The following SOS1 variants were observed in gnomAD, a reference collection of about 807,000 sequenced individuals.
SOS1 encodes SOS Ras/Rac guanine nucleotide exchange factor 1.
In SOS1, 25 loss-of-function variants were observed where a neutral mutation model predicts 157.6. The observed-to-expected ratio is 0.16, with a 90% CI of 0.12 to 0.22. The LOEUF (loss-of-function observed/expected upper bound fraction) is 0.22. SOS1 is among the 10% of genes least tolerant of loss of function. The probability of loss-of-function intolerance (pLI) is 1.00; values close to 1 mark genes in which losing one functional copy is unlikely to be tolerated. For synonymous variants in SOS1, 528 were observed against 534.0 expected, an observed-to-expected ratio of 0.99 and a Z score of 0.16; for missense variants, 1,237 against 1,599.1, an observed-to-expected ratio of 0.77 and a Z score of 3.86.
chr2:39,004,406 CAAAAAAAAAA>C (rs60882005), intron 17 of SOS1, among the ~76,000 whole-genome samples: 6 of 66,534 alleles, frequency 9.0e-5, no homozygotes, highest in African/African-American at 4.3e-4. Context: ...GACTCTGTGT[CAAAAAAAAAA>C]AAAAAAAAAA....
At chr2:39,059,144 T>C (rs912547771) in intron 2 of SOS1, among the ~76,000 whole-genome samples, 3 of 152,086 alleles carry the variant, frequency 2.0e-5, no homozygotes, top group African/African-American at 7.2e-5. Context: ...GATCAAGAAG[T>C]AAATATCTAA....
chr2:39,042,055 T>C (rs1418363332), intron 6 of SOS1, among the ~76,000 whole-genome samples: 2 of 152,170 alleles, frequency 1.3e-5, no homozygotes, highest in African/African-American at 4.8e-5. Flanking sequence ...TCAGGGCTCT[T>C]TATTCTGTTC....
At chr2:38,995,057 CT>C (rs1208321725) in intron 20 of SOS1, 65 bp downstream of exon 20, 3 of 1,363,994 alleles carry the variant, frequency 2.2e-6, no homozygotes, top group East Asian at 2.3e-5. Context: ...AACAGAGATT[CT>C]TTTTTACCTC....
chr2:39,076,663 C>T (rs1672009745), intron 1 of SOS1, among the ~76,000 whole-genome samples: 1 of 152,072 alleles, frequency 6.6e-6, no homozygotes, highest in South Asian at 2.1e-4. Flanking sequence ...AGGATATAAA[C>T]AAAAAGTGTA....
At chr2:39,078,653 G>C (rs1038398857) in intron 1 of SOS1, among the ~76,000 whole-genome samples, 55 of 152,182 alleles carry the variant, frequency 3.6e-4, no homozygotes, top group Non-Finnish European at 3.2e-4. Context: ...GATCTAGGTT[G>C]CACACCTTAT....
At chr2:39,118,462 A>G (rs1219643529) in intron 1 of SOS1, among the ~76,000 whole-genome samples, 1 of 152,236 alleles carries the variant, frequency 6.6e-6, no homozygotes, top group Non-Finnish European at 1.5e-5. Context: ...TATTTAAATA[A>G]GAATTGGAAG....
intron 22 of SOS1, 127 bp from the exon 23 acceptor site, chr2:38,986,442 G>T: frequency 4.3e-6 from 4 of 922,570 alleles, no homozygotes; most frequent in Non-Finnish European, 6.3e-6. Flanking sequence ...AGGGAGTTTT[G>T]CCATATGTTT....
chr2:39,078,720 C>G (rs1672101339), intron 1 of SOS1, among the ~76,000 whole-genome samples: 1 of 152,028 alleles, frequency 6.6e-6, no homozygotes, highest in Non-Finnish European at 1.5e-5. Flanking sequence ...AAACATTCCC[C>G]CACCATGGAA....
chr2:38,996,814 A>T, intron 19 of SOS1, 108 bp downstream of exon 19: 3 of 727,774 alleles, frequency 4.1e-6, no homozygotes, highest in Non-Finnish European at 7.6e-6. Flanking sequence ...GTACTTTTTC[A>T]TTACTTTTAA....
At chr2:39,096,641 T>C (rs758819009) in intron 1 of SOS1, among the ~76,000 whole-genome samples, 9 of 152,166 alleles carry the variant, frequency 5.9e-5, no homozygotes, top group Non-Finnish European at 1.0e-4. Flanking sequence ...ATCCCAGCAC[T>C]TTGGGAGGCC....
chr2:39,028,001 T>C (rs1670025761), intron 8 of SOS1, among the ~76,000 whole-genome samples: 1 of 152,148 alleles, frequency 6.6e-6, no homozygotes, highest in Admixed American at 6.5e-5. Context: ...CAGAAAATTT[T>C]TGTATTTTTA....
At chr2:38,986,641 A>AT (rs897840002) in intron 22 of SOS1, among the ~76,000 whole-genome samples, 1 of 151,506 alleles carries the variant, frequency 6.6e-6, no homozygotes, top group Non-Finnish European at 1.5e-5. Flanking sequence ...AATTTTTTTC[A>AT]TTTTTTGTAG....
At chr2:38,993,984 T>C (rs538132890) in intron 20 of SOS1, 2 of 152,322 alleles carry the variant, frequency 1.3e-5, no homozygotes, top group South Asian at 2.1e-4. Flanking sequence ...TAAAAAATTA[T>C]TGGTGATCTA....
chr2:39,104,243 T>C (rs146351219), intron 1 of SOS1, among the ~76,000 whole-genome samples: 1 of 152,078 alleles, frequency 6.6e-6, no homozygotes, highest in African/African-American at 2.4e-5. Context: ...GATCACACCA[T>C]CACACTCCAG....
intron 12 of SOS1, 51 bp downstream of exon 12, chr2:39,013,816 T>A (rs1669540418): frequency 1.3e-6 from 2 of 1,546,180 alleles, no homozygotes; most frequent in Admixed American, 3.3e-5. Context: ...ACTTCAACAT[T>A]GAAACGAAAG....
At chr2:39,007,303 T>C in intron 15 of SOS1, 110 bp from the exon 16 acceptor site, 2 of 728,726 alleles carry the variant, frequency 2.7e-6, no homozygotes, top group Non-Finnish European at 4.8e-6. Context: ...GTGGCGATAG[T>C]ATAACTACTA....
intron 5 of SOS1, among the ~76,000 whole-genome samples, chr2:39,052,482 C>T (rs1671054362): frequency 6.6e-6 from 1 of 152,168 alleles, no homozygotes; most frequent in South Asian, 2.1e-4. Context: ...CTATGCCTCA[C>T]TCCCAGGAAA....
chr2:39,042,350 G>T (rs1466185239), intron 6 of SOS1, among the ~76,000 whole-genome samples: 1 of 152,010 alleles, frequency 6.6e-6, no homozygotes, highest in Non-Finnish European at 1.5e-5. Context: ...CCTGAACATA[G>T]TATATATTTC....
Position 38,985,970 on chromosome 2 carries a change from A to C in SOS1, c.3856T>G (p.Ser1286Ala). Reference protein sequence around the residue: ...PPLTQEVDLHSIAGPPVPPRQ... With the variant: ...PPLTQEVDLHAIAGPPVPPRQ... The stretch of plus-strand genomic sequence containing the variant: ...GGAGGAACAGGCGGCCCAGCAATGG[A>C]ATGAAGGTCCACTTCTTGTGTCAAT... Residue 1286 changes from serine (S) to alanine (A), a missense_variant, in exon 23 of 23, where the codon TCC (serine) becomes GCC (alanine). This residue lies in a region of SOS1 where 306 missense variants were observed against 322.6 expected (regional missense o/e 0.95). Coordinates refer to ENST00000402219, the MANE Select transcript of SOS1 (RefSeq NM_005633.4). 6.2e-7 allele frequency: 1 copy of C among 1,613,870 alleles called. No homozygotes were observed.
Sources: allele counts gnomAD v4.1 joint callset (sites outside exome capture counted in the v4.1 genomes callset), GRCh38; gene constraint gnomAD v4.1.1; regional missense constraint gnomAD v4.1.1; transcripts MANE v1.5; gene names NCBI Gene and HGNC (gene_info 2026-07-23, HGNC 2026-07-21).